The following PPP6R2 variants were observed in gnomAD, a reference collection of about 807,000 sequenced individuals.
PPP6R2 encodes the protein protein phosphatase 6 regulatory subunit 2, also known as serine/threonine-protein phosphatase 6 regulatory subunit 2.
A neutral mutation model predicts 100.2 loss-of-function variants in PPP6R2; 62 were observed. The observed-to-expected ratio is 0.62, with a 90% CI of 0.50 to 0.76. PPP6R2 has a LOEUF of 0.76. PPP6R2 is among the 30% of genes least tolerant of loss of function. The pLI is 0.00. For synonymous variants in PPP6R2, 525 were observed against 514.7 expected, an observed-to-expected ratio of 1.02 and a Z score of -0.27; for missense variants, 1,142 against 1,276.3, an observed-to-expected ratio of 0.89 and a Z score of 1.60.
At chr22:50,441,298 C>T (rs2065550425) in intron 22 of PPP6R2, among the ~76,000 whole-genome samples, 1 of 152,124 alleles carries the variant, frequency 6.6e-6, no homozygotes, top group African/African-American at 2.4e-5. Flanking sequence ...GACAAGAAGA[C>T]AGGGCCTGGA....
At chr22:50,425,827 T>C (rs1323223767) in intron 10 of PPP6R2, among the ~76,000 whole-genome samples, 1 of 152,108 alleles carries the variant, frequency 6.6e-6, no homozygotes, top group Non-Finnish European at 1.5e-5. Context: ...ATAGCTTCGT[T>C]GGAGAAATGT....
chr22:50,331,079 A>G, the PPP6R2 span, among the ~76,000 whole-genome samples: 1 of 152,174 alleles, frequency 6.6e-6, no homozygotes, highest in African/African-American at 2.4e-5. Flanking sequence ...TGGACGATCT[A>G]GTTTATTCTG....
Position 50,431,392 on chromosome 22 carries a change from A to T in PPP6R2, c.1335+10A>T. 1 of 1,610,024 alleles carries T rather than the reference A, an allele frequency of 6.2e-7. No individual in the cohort carries two copies. The highest frequency in any genetic ancestry group is 1.3e-5 in the African/African-American group (1 of 75,006). On this transcript the variant is annotated intron_variant, in intron 11 of 23. Transcript: ENST00000612753. This position sits in a 1 kb window ranked among gnomAD's most constrained non-coding sequence, Gnocchi z 4.8. ...CACAATGGTGACCCACGTGAGTCCA[A>T]GAAGCATCCATCTTATCAGCGCCAA...
chr22:50,443,727 C>A, intron 22 of PPP6R2, 139 bp from the exon 23 acceptor site: 1 of 1,261,178 alleles, frequency 7.9e-7, no homozygotes, highest in Non-Finnish European at 1.1e-6. Context: ...GGCCACCCCA[C>A]AAAGGGCAGG....
chr22:50,356,810 C>T (rs946263483), intron 1 of PPP6R2, among the ~76,000 whole-genome samples: 1 of 151,810 alleles, frequency 6.6e-6, no homozygotes, highest in Non-Finnish European at 1.5e-5. Flanking sequence ...TGGCCGGCGC[C>T]ATAATCCCAG....
intron 3 of PPP6R2, among the ~76,000 whole-genome samples, chr22:50,401,121 C>T (rs902278046): frequency 1.2e-4 from 19 of 152,160 alleles, no homozygotes; most frequent in Non-Finnish European, 1.8e-4. Flanking sequence ...TGGACTCAAA[C>T]TCCTGGGCTC....
chr22:50,441,879 C>G (rs1350488031), intron 22 of PPP6R2, among the ~76,000 whole-genome samples: 1 of 152,150 alleles, frequency 6.6e-6, no homozygotes, highest in Admixed American at 6.5e-5. Context: ...GATGCCAGGG[C>G]CAGGTAAACC....
At chr22:50,361,195 C>A (rs924803106) in intron 1 of PPP6R2, among the ~76,000 whole-genome samples, 1 of 152,162 alleles carries the variant, frequency 6.6e-6, no homozygotes, top group African/African-American at 2.4e-5. Context: ...CTTGGTCATT[C>A]CTTTTGGATT....
In PPP6R2 at chr22:50,394,048, TC is replaced by T; in HGVS notation, c.142del (p.Leu48CysfsTer11). The T allele has an allele frequency of 1.9e-6, 3 of 1,614,182 alleles. No homozygotes were observed. The highest frequency in any genetic ancestry group is 2.5e-6 in the Non-Finnish European group (3 of 1,180,030). Reference sequence around the variant, plus strand: ...GCTCAGAACCAGAAGCTGCTGGACTTCCTGTGCAGGCAGCAGTGCATGGAGG... The same window carrying T: ...GCTCAGAACCAGAAGCTGCTGGACTTCTGTGCAGGCAGCAGTGCATGGAGG... ...CKAQNQKLLD[F>X]LCRQQCMEEL... is the part of the protein sequence containing the mutation. On this transcript the variant is annotated frameshift_variant, in exon 3 of 24. Transcript: ENST00000612753. LOFTEE classifies it high-confidence loss of function.
the PPP6R2 span, among the ~76,000 whole-genome samples, chr22:50,334,074 G>A: frequency 9.2e-5 from 14 of 152,262 alleles, no homozygotes; most frequent in African/African-American, 3.1e-4. Context: ...TCTAGAAGGC[G>A]GAGCCAGGTG....
intron 3 of PPP6R2, among the ~76,000 whole-genome samples, chr22:50,401,448 C>T (rs1226755569): frequency 3.6e-5 from 4 of 109,592 alleles, no homozygotes; most frequent in African/African-American, 1.2e-4. Flanking sequence ...ACCTCGTGAT[C>T]CGCCCGCCTC....
intron 3 of PPP6R2, among the ~76,000 whole-genome samples, chr22:50,397,479 G>A (rs555025243): frequency 1.4e-4 from 21 of 152,214 alleles, no homozygotes; most frequent in Non-Finnish European, 2.6e-4. Context: ...GGAGGTTAAC[G>A]TTGGAGAAAA....
At chr22:50,384,428 G>C (rs1473383915) in intron 2 of PPP6R2, among the ~76,000 whole-genome samples, 1 of 152,038 alleles carries the variant, frequency 6.6e-6, no homozygotes, top group Non-Finnish European at 1.5e-5. Flanking sequence ...CGTGGCGGGT[G>C]CCTGTAGTCC....
At chr22:50,388,246 T>A (rs2054660358) in intron 2 of PPP6R2, among the ~76,000 whole-genome samples, 1 of 151,664 alleles carries the variant, frequency 6.6e-6, no homozygotes, top group Admixed American at 6.6e-5. Flanking sequence ...GTACAAAAAT[T>A]AGCTGGGTGT....
chr22:50,406,537 T>TC, intron 3 of PPP6R2, 152 bp from the exon 4 acceptor site: 1 of 675,870 alleles, frequency 1.5e-6, no homozygotes, highest in Non-Finnish European at 2.5e-6. Flanking sequence ...TACCAGCTGG[T>TC]CACAGGTAGT....
chr22:50,431,622 AAGGGTTAGCACTGGATG>A lies in PPP6R2; in HGVS notation c.1335+243_1335+259del, dbSNP rs1184638616. Among the ~76,000 whole-genome samples, 1 of 152,150 alleles carries A rather than the reference AAGGGTTAGCACTGGATG, an allele frequency of 6.6e-6. No homozygotes were observed. The highest frequency in any genetic ancestry group is 2.4e-5 in the African/African-American group (1 of 41,434). ...GGTGCCTTCCACGTGCAGGCCTGGC[AAGGGTTAGCACTGGATG>A]AGATGAGTTCAGTCTGGCCTCCAGC... On this transcript the variant is annotated intron_variant, in intron 11 of 23. Coordinates refer to ENST00000612753, the MANE Select transcript of PPP6R2 (RefSeq NM_001242898.2). The surrounding 1 kb of genome is among the most constrained non-coding windows in gnomAD (Gnocchi z 4.8).
chr22:50,444,510 C>G lies in PPP6R2; in HGVS notation c.*263C>G. The G allele has an allele frequency of 5.2e-6, 1 of 192,124 alleles. No individual in the cohort carries two copies. The allele number at this position is 192,124 out of a possible 1,614,324, so 11.9% of individuals were successfully genotyped here. ...CAAGCCCAGAGCACAGCAATAAGGT[C>G]GGCCTGCAGGAGCCGGGGTGGGGGT... On this transcript the variant is annotated 3_prime_UTR_variant, in exon 24 of 24. Coordinates refer to ENST00000612753, the MANE Select transcript of PPP6R2 (RefSeq NM_001242898.2).
chr22:50,333,469 T>C, the PPP6R2 span, among the ~76,000 whole-genome samples: 1 of 152,012 alleles, frequency 6.6e-6, no homozygotes, highest in African/African-American at 2.4e-5. Flanking sequence ...CCTGAGTACC[T>C]GGGACTACAG....
chr22:50,347,065 T>A (rs912578437), intron 1 of PPP6R2, among the ~76,000 whole-genome samples: 4 of 151,918 alleles, frequency 2.6e-5, no homozygotes, highest in Admixed American at 2.0e-4. Flanking sequence ...GTCAGTAAGT[T>A]TCCCTCATAA....
Sources: allele counts gnomAD v4.1 joint callset (sites outside exome capture counted in the v4.1 genomes callset), GRCh38; gene constraint gnomAD v4.1.1; non-coding constraint Gnocchi (gnomAD v3.1); transcripts MANE v1.5; gene names NCBI Gene and HGNC (gene_info 2026-07-23, HGNC 2026-07-21).